ABCC2: variants seen among roughly 807,000 people sequenced by gnomAD.
The protein encoded by ABCC2 is ATP binding cassette subfamily C member 2, also known as ATP-binding cassette sub-family C member 2.
ABCC2 carries 157 observed loss-of-function variants against 173.4 expected under a neutral mutation model. The observed-to-expected ratio is 0.91, with a 90% CI of 0.80 to 1.03. ABCC2 has a LOEUF of 1.03. ABCC2 is among the 50% of genes least tolerant of loss of function. The probability of loss-of-function intolerance (pLI) is 0.00; values close to 1 mark genes in which losing one functional copy is unlikely to be tolerated. For missense variants in ABCC2, 1,822 were observed against 1,852.3 expected, an observed-to-expected ratio of 0.98 and a Z score of 0.30; for synonymous variants, 657 against 693.5, an observed-to-expected ratio of 0.95 and a Z score of 0.83.
intron 15 of ABCC2, 51 bp downstream of exon 15, chr10:99,811,653 G>A (rs1260336688): frequency 6.3e-7 from 1 of 1,596,940 alleles, no homozygotes; most frequent in African/African-American, 1.3e-5. Flanking sequence ...TCACTGCCTG[G>A]CCTATTCTCA....
chr10:99,832,938 T>C (rs2038764208), intron 23 of ABCC2, among the ~76,000 whole-genome samples: 1 of 152,238 alleles, frequency 6.6e-6, no homozygotes, highest in African/African-American at 2.4e-5. Context: ...TCACTGATTT[T>C]TTAGTGTATC....
At chr10:99,827,802 T>A (rs1178211383) in intron 19 of ABCC2, among the ~76,000 whole-genome samples, 2 of 148,700 alleles carry the variant, frequency 1.3e-5, no homozygotes, top group African/African-American at 5.0e-5. Flanking sequence ...TAATTTTACT[T>A]TTAGTTTGCC....
chr10:99,818,534 TTG>T (rs1197974641), intron 17 of ABCC2, among the ~76,000 whole-genome samples: 1 of 152,258 alleles, frequency 6.6e-6, no homozygotes. Context: ...CTGCTCTACA[TTG>T]TCACAGGGTG....
At chr10:99,827,154 C>T (rs1043196471) in intron 19 of ABCC2, among the ~76,000 whole-genome samples, 8 of 152,136 alleles carry the variant, frequency 5.3e-5, no homozygotes, top group East Asian at 1.9e-4. Context: ...TGGGGGTGGC[C>T]GATACTGAAG....
Position 99,793,573 on chromosome 10 carries a change from A to G in ABCC2, c.356A>G (p.Tyr119Cys), listed in dbSNP as rs1287072917. ...CAGCTCCTGGTTTTGCTGATCCAAT[A>G]CAGCAGACAATGGTGTGTACAGAAA... ...GTWLLVLLIQ[Y>C]SRQWCVQKNS... Residue 119 changes from tyrosine (Y) to cysteine (C), a missense_variant, in exon 4 of 32, where the codon TAC (tyrosine) becomes TGC (cysteine). By Grantham distance (194) the Tyr-to-Cys change is radical. Transcript: ENST00000647814. The G allele has an allele frequency of 6.2e-7, 1 of 1,614,058 alleles. No individual in the cohort carries two copies.
At chr10:99,819,347 C>T in intron 19 of ABCC2, 78 bp downstream of exon 19, 14 of 1,370,460 alleles carry the variant, frequency 1.0e-5, no homozygotes, top group Non-Finnish European at 1.4e-5. Context: ...TCCTGAACTG[C>T]TCAGTATCCA....
rs113576231 is a variant in ABCC2, at chr10:99,784,473, G to A, written c.34-135G>A. On this transcript the variant is annotated intron_variant, in intron 1 of 31. Coordinates refer to ENST00000647814, the MANE Select transcript of ABCC2 (RefSeq NM_000392.5). ...TCCATGTGCACAAATAGGAAAATAC[G>A]GATAGTTAAAGGGTAAGGCTGGATA... is the stretch of plus-strand genomic sequence containing the variant. The A allele has an allele frequency of 3.3e-3, 3,161 of 960,422 alleles. 74 individuals are homozygous for A. The African/African-American group carries it at 0.045, about 14-fold the overall frequency. 59.5% of individuals were successfully genotyped at this position (960,422 alleles called of 1,614,324 possible). A position where few individuals can be genotyped will look rare whatever the true frequency, so the allele number is the denominator to read the frequency against.
chr10:99,789,075 C>CA (rs2037769001), intron 2 of ABCC2: 1 of 154,104 alleles, frequency 6.5e-6, no homozygotes, highest in Non-Finnish European at 1.5e-5. Flanking sequence ...CTCTGAAATC[C>CA]ATCATTAATT....
At position 99,811,187 on chromosome 10, in the gene ABCC2, G is replaced by A. The variant is rs111453226; in HGVS notation, c.1901-349G>A. On this transcript the variant is annotated intron_variant, in intron 14 of 31. Coordinates refer to ENST00000647814, the MANE Select transcript of ABCC2 (RefSeq NM_000392.5). Reference sequence around the variant, plus strand: ...CTCTACTAAAAATACAAAAATTAGCGGGGCATGGTGGTGCATGCCTGTAGT... The same window carrying A: ...CTCTACTAAAAATACAAAAATTAGCAGGGCATGGTGGTGCATGCCTGTAGT... Among the ~76,000 whole-genome samples, 865 of 151,354 alleles carry A rather than the reference G, an allele frequency of 5.7e-3. 9 individuals carry two copies. Among genetic ancestry groups the A allele is most frequent in the African/African-American group, 0.015 (598 of 41,228 alleles).
intron 25 of ABCC2, among the ~76,000 whole-genome samples, chr10:99,840,415 GCCA>G (rs1194376469): frequency 2.4e-4 from 36 of 147,044 alleles, no homozygotes; most frequent in Non-Finnish European, 4.5e-4. Flanking sequence ...GGCTCCCTAA[GCCA>G]CCGACCCCAG....
chr10:99,815,249 T>A (rs538506256), intron 16 of ABCC2, among the ~76,000 whole-genome samples: 1 of 152,334 alleles, frequency 6.6e-6, no homozygotes, highest in South Asian at 2.1e-4. Flanking sequence ...TCTAGCTTCA[T>A]CCATGTCCCT....
At chr10:99,803,129 C>T (rs564624605) in intron 9 of ABCC2, among the ~76,000 whole-genome samples, 7 of 152,170 alleles carry the variant, frequency 4.6e-5, no homozygotes, top group South Asian at 2.1e-4. Flanking sequence ...CCACCATGCC[C>T]GTCTAATTTG....
intron 30 of ABCC2, 34 bp from the exon 31 acceptor site, chr10:99,850,568 G>A (rs913403517): frequency 5.6e-6 from 9 of 1,610,894 alleles, no homozygotes; most frequent in Non-Finnish European, 7.6e-6. Context: ...TTGGTCTTTA[G>A]GAGCTAACAC....
At chr10:99,822,180 G>A (rs1039245426) in intron 19 of ABCC2, among the ~76,000 whole-genome samples, 11 of 152,212 alleles carry the variant, frequency 7.2e-5, no homozygotes, top group Admixed American at 7.2e-4. Flanking sequence ...AGTAGGTATA[G>A]TTAGCTGCAG....
chr10:99,834,152 G>A (rs1590184317), intron 23 of ABCC2, among the ~76,000 whole-genome samples: 1 of 152,202 alleles, frequency 6.6e-6, no homozygotes, highest in African/African-American at 2.4e-5. Flanking sequence ...AAAGTGCTGG[G>A]ATTACAGGTG....
chr10:99,827,032 T>C (rs1465909241), intron 19 of ABCC2, among the ~76,000 whole-genome samples: 1 of 151,072 alleles, frequency 6.6e-6, no homozygotes, highest in Non-Finnish European at 1.5e-5. Flanking sequence ...TGTAATTCAC[T>C]ACCCTGTCTA....
At chr10:99,794,717 G>A (rs971588465) in intron 6 of ABCC2, 3 of 437,794 alleles carry the variant, frequency 6.9e-6, no homozygotes, top group Non-Finnish European at 1.3e-5. Context: ...GCTAATTTTT[G>A]TATTTTTAGT....
Position 99,851,545 on chromosome 10 carries a change from C to T in ABCC2, c.4552C>T (p.Pro1518Ser). The T allele has an allele frequency of 6.2e-7, 1 of 1,613,970 alleles. No individual in the cohort carries two copies. The change falls in exon 32 of 32, where the codon CCT becomes TCT. Residue 1518 changes from proline (P) to serine (S), a missense_variant. Transcript: ENST00000647814. ...CGGGAAGATTATAGAGTGCGGCAGC[C>T]CTGAAGAACTGCTACAAATCCCTGG... ...DNGKIIECGS[P>S]EELLQIPGPF... is the part of the protein sequence containing the mutation.
At chr10:99,832,282 C>A in intron 23 of ABCC2, 151 bp downstream of exon 23, 3 of 993,564 alleles carry the variant, frequency 3.0e-6, no homozygotes, top group East Asian at 2.6e-5. Flanking sequence ...CTGCTGTGAG[C>A]TCCCAAGAAT....
Sources: gnomAD v4.1 joint callset for allele counts (sites outside exome capture counted in the v4.1 genomes callset) on GRCh38, gnomAD v4.1.1 for gene constraint, MANE v1.5 for transcripts, NCBI Gene and HGNC (gene_info 2026-07-23, HGNC 2026-07-21) for gene names.